The following SYDE2 variants were observed in gnomAD, a reference collection of about 807,000 sequenced individuals.
SYDE2 encodes synapse defective Rho GTPase homolog 2, also known as rho GTPase-activating protein SYDE2.
SYDE2 carries 76 observed loss-of-function variants against 91.5 expected under a neutral mutation model. That is an observed-to-expected ratio of 0.83 (90% CI 0.69 to 1.01). The LOEUF (loss-of-function observed/expected upper bound fraction) is 1.01. SYDE2 is among the 50% of genes least tolerant of loss of function. The pLI, the probability that SYDE2 is intolerant of heterozygous loss-of-function variation, is 0.00. For missense variants in SYDE2, 1,364 were observed against 1,367.7 expected, an observed-to-expected ratio of 1.00 and a Z score of 0.04; for synonymous variants, 513 against 506.4, an observed-to-expected ratio of 1.01 and a Z score of -0.18.
At position 85,200,433 on chromosome 1, in the gene SYDE2, G is replaced by A. The variant is rs1253270174; in HGVS notation, c.564C>T (p.Val188=). Residue 188 remains valine, a synonymous_variant, in exon 1 of 7, where the codon GTC becomes GTT. Transcript: ENST00000341460. The part of the protein sequence containing the change: ...PSFLRPPAVT[V]KKLQKWMYKG... ...TGTACATCCACTTCTGCAGCTTCTT[G>A]ACTGTCACTGCCGGCGGCCTGAGGA... The A allele has an allele frequency of 5.6e-6, 9 of 1,613,890 alleles. No individual in the cohort carries two copies. Among genetic ancestry groups the A allele is most frequent in the Non-Finnish European group, 6.8e-6 (8 of 1,179,910 alleles).
intron 3 of SYDE2, among the ~76,000 whole-genome samples, chr1:85,179,429 A>G (rs2100667032): frequency 6.6e-6 from 1 of 152,340 alleles, no homozygotes; most frequent in South Asian, 2.1e-4. Context: ...GATACAGGGA[A>G]ATATTATCTA....
At position 85,158,787 on chromosome 1, in the gene SYDE2, C is replaced by T. The variant is rs200644067; in HGVS notation, c.3548G>A (p.Arg1183His). The change falls in exon 7 of 7, where the codon CGT becomes CAT. Residue 1183 changes from arginine (R) to histidine (H), a missense_variant. Transcript: ENST00000341460. Reference protein sequence around the residue: ...SIDTLIGNLERELNKNKLNMS... With the variant: ...SIDTLIGNLEHELNKNKLNMS... ...ATTAAGCTTGTTTTTGTTGAGCTCACGTTCCAGATTTCCAATCAAAGTATC... is the reference window on the plus strand; with the variant it reads ...ATTAAGCTTGTTTTTGTTGAGCTCATGTTCCAGATTTCCAATCAAAGTATC... The T allele has an allele frequency of 8.4e-4, 636 of 760,302 alleles. 1 individual carries two copies. The highest frequency in any genetic ancestry group is 1.7e-3 in the South Asian group (119 of 69,334). The allele number at this position is 760,302 out of a possible 1,614,324, so 47.1% of individuals were successfully genotyped here.
chr1:85,166,592 A>T (rs1657284754), intron 5 of SYDE2, among the ~76,000 whole-genome samples: 1 of 152,170 alleles, frequency 6.6e-6, no homozygotes, highest in South Asian at 2.1e-4. Flanking sequence ...TGGAATAAAT[A>T]GCCCTTCAAT....
intron 5 of SYDE2, among the ~76,000 whole-genome samples, chr1:85,168,514 A>G (rs542688645): frequency 6.6e-6 from 1 of 152,110 alleles, no homozygotes; most frequent in African/African-American, 2.4e-5. Flanking sequence ...TCTCTCTCCT[A>G]CAGGCATAGC....
chr1:85,200,100 AT>A, intron 1 of SYDE2, 151 bp downstream of exon 1: 1 of 974,178 alleles, frequency 1.0e-6, no homozygotes, highest in Non-Finnish European at 1.2e-6. Flanking sequence ...TAACCCCGAA[AT>A]TACTTTAAGC....
intron 3 of SYDE2, among the ~76,000 whole-genome samples, chr1:85,180,417 C>T (rs190547401): frequency 5.1e-4 from 78 of 152,124 alleles, no homozygotes; most frequent in Middle Eastern, 6.8e-3. Context: ...CTAGGCCGGA[C>T]GCGGTGGCTC....
rs528582030 is a variant in SYDE2, at chr1:85,195,622, ACT to A, written c.745+4628_745+4629del. Among the ~76,000 whole-genome samples, 448 of 152,210 alleles carry A rather than the reference ACT, an allele frequency of 2.9e-3. 3 individuals are homozygous for A. The highest frequency in any genetic ancestry group is 0.01 in the Middle Eastern group (3 of 294). ...TTGAGACGGGAAAGTAGAGAAGAAA[ACT>A]CTGAGACCGTTTTCAGTTCCACAAA... On this transcript the variant is annotated intron_variant, in intron 1 of 6. Transcript: ENST00000341460.
chr1:85,153,231 A>G (rs1656814109), downstream of SYDE2: 1 of 152,274 alleles, frequency 6.6e-6, no homozygotes, highest in Non-Finnish European at 1.5e-5. Context: ...AGTAGCTTCC[A>G]TGAATAGACT....
chr1:85,198,186 T>C (rs912788031), intron 1 of SYDE2, among the ~76,000 whole-genome samples: 1 of 152,114 alleles, frequency 6.6e-6, no homozygotes, highest in African/African-American at 2.4e-5. Context: ...TGAATCCACA[T>C]AGTAGTTTGA....
intron 5 of SYDE2, among the ~76,000 whole-genome samples, chr1:85,166,504 C>T (rs1657281552): frequency 6.6e-6 from 1 of 151,912 alleles, no homozygotes; most frequent in Non-Finnish European, 1.5e-5. Context: ...GTGGCAAGAA[C>T]AAGTCCAGCA....
chr1:85,161,725 CAAA>C (rs60732181), intron 6 of SYDE2, among the ~76,000 whole-genome samples: 8 of 83,342 alleles, frequency 9.6e-5, no homozygotes, highest in East Asian at 3.8e-4. Flanking sequence ...GACTCCATCT[CAAA>C]AAAAAAAAAA....
Position 85,159,100 on chromosome 1 carries a change from G to C in SYDE2, c.3235C>G (p.Arg1079Gly), listed in dbSNP as rs1436142268. The C allele has an allele frequency of 1.3e-6, 1 of 780,694 alleles. No individual in the cohort carries two copies. Among genetic ancestry groups the C allele is most frequent in the East Asian group, 2.4e-5 (1 of 41,246 alleles). The allele number at this position is 780,694 out of a possible 1,614,324, so 48.4% of individuals were successfully genotyped here. The change falls in exon 7 of 7, where the codon CGA becomes GGA. Residue 1079 changes from arginine (R) to glycine (G), a missense_variant. Physicochemically the swap from Arg to Gly is moderately radical, Grantham distance 125. Coordinates refer to ENST00000341460, the MANE Select transcript of SYDE2 (RefSeq NM_032184.2). Reference protein sequence around the residue: ...SSGVLRPRQNRLDSPLSNRYA... With the variant: ...SSGVLRPRQNGLDSPLSNRYA... ...CGATTGCTAAGTGGACTGTCTAATC[G>C]GTTTTGCCTTGGCCTAAGTACTCCT...
At chr1:85,163,108 ATTT>A (rs751158794) in intron 6 of SYDE2, among the ~76,000 whole-genome samples, 2 of 143,252 alleles carry the variant, frequency 1.4e-5, no homozygotes, top group Non-Finnish European at 1.5e-5. Context: ...TTAAAGTTGA[ATTT>A]TTTTTTTTTT....
At chr1:85,188,600 T>C (rs576968412) in intron 2 of SYDE2, among the ~76,000 whole-genome samples, 8 of 152,188 alleles carry the variant, frequency 5.3e-5, no homozygotes, top group Non-Finnish European at 1.2e-4. Flanking sequence ...CAAGCTGAAT[T>C]ATCAAGCCTG....
chr1:85,185,092 C>G (rs1201862012), intron 2 of SYDE2, among the ~76,000 whole-genome samples: 1 of 150,618 alleles, frequency 6.6e-6, no homozygotes. Flanking sequence ...AATAAAACAA[C>G]AAAAAAAGAT....
intron 6 of SYDE2, among the ~76,000 whole-genome samples, chr1:85,162,690 TC>T (rs1181404194): frequency 1.3e-5 from 2 of 152,238 alleles, no homozygotes; most frequent in Non-Finnish European, 2.9e-5. Context: ...ACATTAAGTT[TC>T]TTCTCTCAAA....
chr1:85,199,655 A>C (rs1658732156), intron 1 of SYDE2, among the ~76,000 whole-genome samples: 1 of 152,040 alleles, frequency 6.6e-6, no homozygotes, highest in Non-Finnish European at 1.5e-5. Flanking sequence ...AGGTGGAGAG[A>C]TGGTGTATGT....
intron 5 of SYDE2, among the ~76,000 whole-genome samples, chr1:85,166,118 A>G (rs1369657137): frequency 6.6e-6 from 1 of 151,980 alleles, no homozygotes; most frequent in Non-Finnish European, 1.5e-5. Flanking sequence ...AGGCAGGTGA[A>G]TCATCTGAGG....
chr1:85,179,416 A>C (rs1006566189), intron 3 of SYDE2, among the ~76,000 whole-genome samples: 6 of 152,226 alleles, frequency 3.9e-5, no homozygotes, highest in African/African-American at 1.4e-4. Flanking sequence ...GAAAGTGTCA[A>C]TAGATACAGG....
Sources: allele counts gnomAD v4.1 joint callset (sites outside exome capture counted in the v4.1 genomes callset), GRCh38; gene constraint gnomAD v4.1.1; transcripts MANE v1.5; gene names NCBI Gene and HGNC (gene_info 2026-07-23, HGNC 2026-07-21).